MTBP: variants seen among roughly 807,000 people sequenced by gnomAD.
MTBP encodes MDM2 binding protein, also known as mdm2-binding protein.
MTBP carries 101 observed loss-of-function variants against 117.0 expected under a neutral mutation model. The observed-to-expected ratio is 0.86, with a 90% confidence interval of 0.73 to 1.02. MTBP has a LOEUF of 1.02. Among genes scored for constraint, MTBP ranks in the 50% least tolerant of loss-of-function variants. MTBP has a pLI of 0.00. For synonymous variants in MTBP, 350 were observed against 351.5 expected, an observed-to-expected ratio of 1.00 and a Z score of 0.05; for missense variants, 970 against 1,030.9, an observed-to-expected ratio of 0.94 and a Z score of 0.81.
At chr8:120,475,280 C>A (rs1385309132) in intron 11 of MTBP, among the ~76,000 whole-genome samples, 2 of 151,938 alleles carry the variant, frequency 1.3e-5, no homozygotes, top group African/African-American at 4.8e-5. Flanking sequence ...TACCTTAGTA[C>A]TCATGCTGTC....
At position 120,456,575 on chromosome 8, in the gene MTBP, T is replaced by C; in HGVS notation, c.652T>C (p.Tyr218His). 1 of 1,572,708 alleles carries C rather than the reference T, an allele frequency of 6.4e-7. No homozygotes were observed. The highest frequency in any genetic ancestry group is 1.1e-5 in the South Asian group (1 of 87,090). The part of the protein sequence containing the change: ...CEINCQKIAE[Y>H]LSANVVSLED... Reference sequence around the variant, plus strand: ...TAGAAACTGTCAGAAAATTGCAGAATACCTTTCTGCTAATGTTGTATCTTT... The same window carrying C: ...TAGAAACTGTCAGAAAATTGCAGAACACCTTTCTGCTAATGTTGTATCTTT... The change falls in exon 7 of 22, where the codon TAC (tyrosine) becomes CAC (histidine). Residue 218 changes from tyrosine (Y) to histidine (H), a missense_variant. Coordinates refer to ENST00000305949, the MANE Select transcript of MTBP (RefSeq NM_022045.5).
At chr8:120,459,087 T>G in intron 7 of MTBP, 128 bp from the exon 8 acceptor site, 14 of 746,898 alleles carry the variant, frequency 1.9e-5, no homozygotes, top group Non-Finnish European at 2.3e-5. Context: ...AGCACACTTT[T>G]GAGCTGAGGA....
In MTBP at chr8:120,455,470, G is replaced by T; in HGVS notation, c.520G>T (p.Asp174Tyr). 6.2e-7 allele frequency: 1 copy of T among 1,609,056 alleles called. No individual in the cohort carries two copies. Among genetic ancestry groups the T allele is most frequent in the South Asian group, 1.1e-5 (1 of 90,836 alleles). The part of the protein sequence containing the change: ...AMVDIILLLS[D>Y]KDPPKLKDYL... Reference sequence around the variant, plus strand: ...GGTAGATATAATACTGTTGCTTTCTGACAAAGATCCTCCTAAATTGAAAGA... The same window carrying T: ...GGTAGATATAATACTGTTGCTTTCTTACAAAGATCCTCCTAAATTGAAAGA... The change falls in exon 6 of 22, where the codon GAC (aspartate) becomes TAC (tyrosine). Residue 174 changes from aspartate to tyrosine, a missense_variant. Transcript: ENST00000305949.
intron 13 of MTBP, among the ~76,000 whole-genome samples, chr8:120,493,869 TAAAAC>T (rs2130589686): frequency 6.6e-6 from 1 of 152,328 alleles, no homozygotes; most frequent in African/African-American, 2.4e-5. Flanking sequence ...ATCTTCCAGA[TAAAAC>T]CAAACCATCG....
chr8:120,464,062 C>G (rs1813637823), intron 10 of MTBP, among the ~76,000 whole-genome samples: 1 of 151,836 alleles, frequency 6.6e-6, no homozygotes, highest in African/African-American at 2.4e-5. Flanking sequence ...TATTGTTAAC[C>G]TACTTCTTCA....
intron 13 of MTBP, among the ~76,000 whole-genome samples, chr8:120,492,109 T>A (rs1048369888): frequency 5.3e-5 from 8 of 152,242 alleles, no homozygotes; most frequent in Non-Finnish European, 1.2e-4. Context: ...AGCTAGTTGC[T>A]GCTAGAGACA....
chr8:120,501,021 C>G (rs1203305597), intron 14 of MTBP, among the ~76,000 whole-genome samples: 2 of 152,094 alleles, frequency 1.3e-5, no homozygotes, highest in East Asian at 1.9e-4. Context: ...GAAACCCCGT[C>G]CCTACTGAAA....
chr8:120,479,641 G>A (rs1229816974), intron 11 of MTBP, among the ~76,000 whole-genome samples: 2 of 152,044 alleles, frequency 1.3e-5, no homozygotes, highest in East Asian at 1.9e-4. Flanking sequence ...TAATACACAC[G>A]ATATCCTCCA....
At chr8:120,511,387 C>G (rs1814804826) in intron 17 of MTBP, among the ~76,000 whole-genome samples, 1 of 152,234 alleles carries the variant, frequency 6.6e-6, no homozygotes, top group Non-Finnish European at 1.5e-5. Flanking sequence ...CCTCCGTTTC[C>G]CGGGTTCAAG....
intron 10 of MTBP, among the ~76,000 whole-genome samples, chr8:120,465,836 AC>A (rs1477535699): frequency 6.6e-6 from 1 of 151,702 alleles, no homozygotes; most frequent in Non-Finnish European, 1.5e-5. Context: ...ATTTATAGAG[AC>A]TATTTCAAGT....
At chr8:120,467,909 A>G (rs980495712) in intron 10 of MTBP, among the ~76,000 whole-genome samples, 6 of 152,224 alleles carry the variant, frequency 3.9e-5, no homozygotes, top group African/African-American at 1.4e-4. Flanking sequence ...GGGTCCCACC[A>G]CATTTATATT....
chr8:120,495,112 G>A (rs981314985), intron 13 of MTBP, among the ~76,000 whole-genome samples: 4 of 151,698 alleles, frequency 2.6e-5, no homozygotes, highest in South Asian at 2.1e-4. Flanking sequence ...TGTTTGGTTG[G>A]TGCACTTCTT....
intron 15 of MTBP, among the ~76,000 whole-genome samples, chr8:120,503,386 G>A (rs776224904): frequency 6.6e-6 from 1 of 152,142 alleles, no homozygotes; most frequent in South Asian, 2.1e-4. Flanking sequence ...TGTAATAGTT[G>A]TAAATTATTC....
chr8:120,463,459 T>G (rs1367660683), intron 9 of MTBP, among the ~76,000 whole-genome samples: 1 of 152,160 alleles, frequency 6.6e-6, no homozygotes, highest in Non-Finnish European at 1.5e-5. Flanking sequence ...GTTCTTATAG[T>G]TTATAGTAAT....
chr8:120,523,417 A>T lies in MTBP; in HGVS notation c.*81A>T. 1 of 870,920 alleles carries T rather than the reference A, an allele frequency of 1.1e-6. No individual in the cohort carries two copies. The highest frequency in any genetic ancestry group is 1.7e-6 in the Non-Finnish European group (1 of 571,676). 53.9% of individuals were successfully genotyped at this position (870,920 alleles called of 1,614,324 possible). On this transcript the variant is annotated 3_prime_UTR_variant, in exon 22 of 22. Transcript: ENST00000305949. ...CTTCTTTTCTTAGTTTGAAAATTAT[A>T]AACAAATTTTAAGCTTTATTCAAAG...
At chr8:120,456,775 G>A (rs958875206) in intron 7 of MTBP, 105 bp downstream of exon 7, 1 of 715,720 alleles carries the variant, frequency 1.4e-6, no homozygotes, top group African/African-American at 1.8e-5. Context: ...AGATATTCTA[G>A]AATAGCACTA....
At chr8:120,492,367 A>G (rs749429431) in intron 13 of MTBP, among the ~76,000 whole-genome samples, 166 of 152,250 alleles carry the variant, frequency 1.1e-3, no homozygotes, top group Admixed American at 4.1e-3. Flanking sequence ...AAAGTTTCCA[A>G]TGTAAGCATG....
At chr8:120,490,408 A>G (rs1227707825) in intron 12 of MTBP, 55 bp from the exon 13 acceptor site, 2 of 1,090,096 alleles carry the variant, frequency 1.8e-6, no homozygotes, top group Non-Finnish European at 2.7e-6. Flanking sequence ...ACTGAGTACT[A>G]ATTGTTGGCA....
intron 8 of MTBP, 132 bp from the exon 9 acceptor site, chr8:120,461,029 A>G (rs1241248460): frequency 3.3e-6 from 2 of 613,606 alleles, no homozygotes; most frequent in Non-Finnish European, 5.7e-6. Context: ...TAGAGGATTA[A>G]ATGCTAGGCA....
Sources: gnomAD v4.1 joint callset for allele counts (sites outside exome capture counted in the v4.1 genomes callset) on GRCh38, gnomAD v4.1.1 for gene constraint, MANE v1.5 for transcripts, NCBI Gene and HGNC (gene_info 2026-07-23, HGNC 2026-07-21) for gene names.